The following LRRC4C variants were observed in gnomAD, a reference collection of about 807,000 sequenced individuals.
The protein encoded by LRRC4C is leucine rich repeat containing 4C, also known as leucine-rich repeat-containing protein 4C.
Under a neutral mutation model 33.6 loss-of-function variants are expected in LRRC4C, and 5 were observed. The ratio of observed to expected loss-of-function variants is 0.15; its 90% confidence interval spans 0.08 to 0.31. The LOEUF (loss-of-function observed/expected upper bound fraction) is 0.31. LRRC4C is among the 10% of genes least tolerant of loss of function. LRRC4C has a pLI of 1.00. For missense variants in LRRC4C, 560 were observed against 796.7 expected (o/e 0.70, Z 3.58); for synonymous variants, 329 against 302.0 (o/e 1.09, Z -0.93).
intron 5 of LRRC4C, among the ~76,000 whole-genome samples, chr11:40,231,633 G>T (rs1164082128): frequency 6.6e-6 from 1 of 152,096 alleles, no homozygotes; most frequent in African/African-American, 2.4e-5. Context: ...AAGTGGTTTA[G>T]ATAGACACAG....
chr11:40,978,266 T>G (rs1852229715), intron 1 of LRRC4C, among the ~76,000 whole-genome samples: 1 of 152,192 alleles, frequency 6.6e-6, no homozygotes, highest in Admixed American at 6.5e-5. Context: ...AGTTAACATC[T>G]TTCATGAGTT....
At chr11:40,706,571 C>T (rs944349841) in intron 2 of LRRC4C, among the ~76,000 whole-genome samples, 1 of 152,104 alleles carries the variant, frequency 6.6e-6, no homozygotes, top group South Asian at 2.1e-4. Context: ...TGCTCTATAT[C>T]TCTGTTTTCG....
chr11:41,303,089 C>T (rs1433763078), intron 1 of LRRC4C, among the ~76,000 whole-genome samples: 2 of 85,636 alleles, frequency 2.3e-5, no homozygotes, highest in African/African-American at 7.0e-5. Context: ...GTCCCTCTCC[C>T]TCTCCCTCTC....
At chr11:40,515,438 T>C (rs1272381113) in intron 3 of LRRC4C, among the ~76,000 whole-genome samples, 2 of 152,094 alleles carry the variant, frequency 1.3e-5, no homozygotes, top group Non-Finnish European at 2.9e-5. Flanking sequence ...ATAATTATAT[T>C]GTCTAATCTT....
intron 1 of LRRC4C, among the ~76,000 whole-genome samples, chr11:41,124,760 G>T (rs1452442173): frequency 6.6e-6 from 1 of 152,102 alleles, no homozygotes; most frequent in Non-Finnish European, 1.5e-5. Flanking sequence ...AAGAATATGG[G>T]AAGCAAAAGT....
At chr11:40,220,438 G>T (rs1046151270) in intron 5 of LRRC4C, among the ~76,000 whole-genome samples, 3 of 152,158 alleles carry the variant, frequency 2.0e-5, no homozygotes, top group Non-Finnish European at 4.4e-5. Context: ...CGATTGCCTT[G>T]TAAAAATCAT....
intron 3 of LRRC4C, among the ~76,000 whole-genome samples, chr11:40,515,633 T>G (rs1301655375): frequency 1.3e-5 from 2 of 152,058 alleles, no homozygotes; most frequent in Admixed American, 1.3e-4. Context: ...TTCAGTTTTG[T>G]TGATATCTGT....
intron 3 of LRRC4C, among the ~76,000 whole-genome samples, chr11:40,542,265 G>C (rs887790996): frequency 6.6e-6 from 1 of 151,990 alleles, no homozygotes; most frequent in Non-Finnish European, 1.5e-5. Context: ...CAAAAATAAA[G>C]GGGTGTGATC....
intron 1 of LRRC4C, among the ~76,000 whole-genome samples, chr11:41,049,748 T>C (rs114722221): frequency 8.5e-5 from 13 of 152,316 alleles, no homozygotes; most frequent in African/African-American, 3.1e-4. Context: ...AGAATACTTA[T>C]GTGGCTTTGG....
chr11:40,486,978 C>G (rs1049119734), intron 3 of LRRC4C, among the ~76,000 whole-genome samples: 5 of 151,886 alleles, frequency 3.3e-5, no homozygotes, highest in Admixed American at 2.0e-4. Flanking sequence ...AAATTAGGTC[C>G]ACGGAAAACC....
In LRRC4C at chr11:41,392,930, C is replaced by T. The variant is rs150183701; in HGVS notation, c.-496+66501G>A. The stretch of plus-strand genomic sequence containing the variant: ...TGTAGGAGAATAAATTTAGGGCAGT[C>T]CTAGGAGATAGGATTTTATCAGGAA... On this transcript the variant is annotated intron_variant, in intron 1 of 6. Transcript: ENST00000528697. Among the ~76,000 whole-genome samples, 60 of 151,838 alleles carry T rather than the reference C, an allele frequency of 4.0e-4. No individual in the cohort carries two copies. The East Asian group carries it at 0.011, about 28-fold the overall frequency.
At chr11:41,028,573 A>G (rs1210910104) in intron 1 of LRRC4C, among the ~76,000 whole-genome samples, 1 of 2,808 alleles carries the variant, frequency 3.6e-4, no homozygotes, top group African/African-American at 4.4e-4. Context: ...TATTCACGAC[A>G]CACACACACA....
intron 1 of LRRC4C, among the ~76,000 whole-genome samples, chr11:41,153,610 T>C (rs1944096996): frequency 6.6e-6 from 1 of 152,214 alleles, no homozygotes; most frequent in South Asian, 2.1e-4. Context: ...TAGCTCACCA[T>C]CATCACCAAA....
At chr11:40,530,912 T>G (rs1956245710) in intron 3 of LRRC4C, among the ~76,000 whole-genome samples, 1 of 152,148 alleles carries the variant, frequency 6.6e-6, no homozygotes. Context: ...CCGATTCTAC[T>G]GTTTTTTAGT....
intron 1 of LRRC4C, among the ~76,000 whole-genome samples, chr11:41,194,239 A>G (rs1946086669): frequency 6.6e-6 from 1 of 152,122 alleles, no homozygotes; most frequent in South Asian, 2.1e-4. Flanking sequence ...AGTCAACAGT[A>G]GGCTATTAGT....
intron 2 of LRRC4C, among the ~76,000 whole-genome samples, chr11:40,740,617 G>C (rs776850578): frequency 6.6e-6 from 1 of 151,686 alleles, no homozygotes; most frequent in Non-Finnish European, 1.5e-5. Flanking sequence ...TTTCTTTGTT[G>C]TGCAGAAACG....
chr11:40,510,600 T>C (rs541397534), intron 3 of LRRC4C, among the ~76,000 whole-genome samples: 57 of 152,294 alleles, frequency 3.7e-4, no homozygotes, highest in Non-Finnish European at 6.8e-4. Context: ...TACAGGTTCC[T>C]CTTTGTTGAC....
At chr11:40,905,381 C>T (rs1228845009) in intron 2 of LRRC4C, among the ~76,000 whole-genome samples, 1 of 151,198 alleles carries the variant, frequency 6.6e-6, no homozygotes, top group African/African-American at 2.4e-5. Flanking sequence ...TCAGGGCTCA[C>T]ATATAGAAGG....
At chr11:40,365,627 A>G (rs1317978292) in intron 3 of LRRC4C, among the ~76,000 whole-genome samples, 1 of 151,762 alleles carries the variant, frequency 6.6e-6, no homozygotes, top group African/African-American at 2.4e-5. Context: ...AGGGCTAAAC[A>G]TTTTTTTTAA....
Sources: allele counts gnomAD v4.1 joint callset (sites outside exome capture counted in the v4.1 genomes callset), GRCh38; gene constraint gnomAD v4.1.1; transcripts MANE v1.5; gene names NCBI Gene and HGNC (gene_info 2026-07-23, HGNC 2026-07-21).